Variants in SNX29 observed in about 807,000 individuals in gnomAD.
The protein encoded by SNX29 is sorting nexin 29, also known as sorting nexin-29.
A neutral mutation model predicts 102.1 loss-of-function variants in SNX29; 78 were observed. The observed-to-expected ratio is 0.76, with a 90% CI of 0.64 to 0.92. The LOEUF (loss-of-function observed/expected upper bound fraction) is 0.92. Ranked by LOEUF, SNX29 falls within the 40% of genes least tolerant of loss-of-function variation. The pLI, the probability that SNX29 is intolerant of heterozygous loss-of-function variation, is 0.00. For missense variants in SNX29, 1,280 were observed against 1,061.7 expected, an observed-to-expected ratio of 1.21 and a Z score of -2.86; for synonymous variants, 580 against 414.5, an observed-to-expected ratio of 1.40 and a Z score of -4.85.
chr16:12,536,978 TTAAAAAAATAAAA>T (rs1383132184), intron 20 of SNX29, among the ~76,000 whole-genome samples: 2 of 148,578 alleles, frequency 1.3e-5, no homozygotes, highest in Non-Finnish European at 3.0e-5. Flanking sequence ...AGAACCCGTC[TTAAAAAAATAAAA>T]TAAAAAGAGT....
At chr16:12,550,654 G>A (rs546191800) in intron 20 of SNX29, among the ~76,000 whole-genome samples, 1 of 152,128 alleles carries the variant, frequency 6.6e-6, no homozygotes, top group Non-Finnish European at 1.5e-5. Context: ...CCGTCACTTA[G>A]TGGAGGACCA....
intron 16 of SNX29, chr16:12,373,004 A>G (rs1215309746): frequency 6.6e-6 from 1 of 152,222 alleles, no homozygotes; most frequent in Non-Finnish European, 1.5e-5. Flanking sequence ...CATTTTAGAG[A>G]TGACAAGACT....
At chr16:12,228,679 A>G (rs1013544092) in intron 14 of SNX29, among the ~76,000 whole-genome samples, 3 of 152,216 alleles carry the variant, frequency 2.0e-5, no homozygotes, top group African/African-American at 4.8e-5. Flanking sequence ...CAGCTCCCCA[A>G]CCTATGCTGT....
At chr16:12,489,680 G>T (rs1474379847) in intron 19 of SNX29, among the ~76,000 whole-genome samples, 1 of 152,236 alleles carries the variant, frequency 6.6e-6, no homozygotes, top group African/African-American at 2.4e-5. Context: ...CAGGGAGGAA[G>T]CACTCATTTG....
At chr16:11,981,601 TA>T in intron 1 of SNX29, among the ~76,000 whole-genome samples, 1 of 152,338 alleles carries the variant, frequency 6.6e-6, no homozygotes, top group East Asian at 1.9e-4. Flanking sequence ...TTGTATGTGC[TA>T]TAAATTGGTA....
intron 14 of SNX29, among the ~76,000 whole-genome samples, chr16:12,252,157 T>A (rs2078440510): frequency 6.6e-6 from 1 of 152,176 alleles, no homozygotes; most frequent in Non-Finnish European, 1.5e-5. Flanking sequence ...TTTCCCCAAA[T>A]CCACAAGGGT....
intron 15 of SNX29, among the ~76,000 whole-genome samples, chr16:12,310,475 C>T (rs1256876638): frequency 6.6e-6 from 1 of 150,694 alleles, no homozygotes; most frequent in Non-Finnish European, 1.5e-5. Flanking sequence ...CATTGGCACG[C>T]GTAACAGCAT....
chr16:12,485,127 C>T (rs534297658), intron 19 of SNX29, among the ~76,000 whole-genome samples: 10 of 152,172 alleles, frequency 6.6e-5, no homozygotes, highest in Non-Finnish European at 1.0e-4. Flanking sequence ...CAAGGTGACT[C>T]GGGAGGTTGT....
chr16:12,491,640 T>C (rs1306114070), intron 19 of SNX29, among the ~76,000 whole-genome samples: 6 of 152,150 alleles, frequency 3.9e-5, no homozygotes, highest in African/African-American at 1.4e-4. Flanking sequence ...TAACTCCTCA[T>C]TTAGCATTAG....
intron 18 of SNX29, among the ~76,000 whole-genome samples, chr16:12,470,977 C>T (rs1171924478): frequency 1.3e-5 from 2 of 152,148 alleles, no homozygotes; most frequent in African/African-American, 4.8e-5. Context: ...GGGTGTCATC[C>T]CCAGGGTCAC....
chr16:12,565,705 CT>C (rs143209873), intron 20 of SNX29, among the ~76,000 whole-genome samples: 3,910 of 152,340 alleles, frequency 0.026, 170 homozygotes, highest in African/African-American at 0.089. Context: ...GGGGAAGCAG[CT>C]GGGCCGGGTC....
chr16:12,230,819 C>T (rs1366869816), intron 14 of SNX29, among the ~76,000 whole-genome samples: 2 of 150,286 alleles, frequency 1.3e-5, no homozygotes, highest in African/African-American at 2.5e-5. Flanking sequence ...TGTAATAAGT[C>T]GTATGTATGT....
intron 13 of SNX29, among the ~76,000 whole-genome samples, chr16:12,141,741 T>C (rs536155863): frequency 6.6e-6 from 1 of 152,358 alleles, no homozygotes; most frequent in South Asian, 2.1e-4. Context: ...TAGCACATAA[T>C]GAGCAGTGAG....
intron 15 of SNX29, among the ~76,000 whole-genome samples, chr16:12,291,266 T>A (rs962269614): frequency 3.3e-5 from 5 of 152,168 alleles, no homozygotes; most frequent in African/African-American, 1.2e-4. Flanking sequence ...TCCACATGGC[T>A]GGGGAGACCT....
intron 20 of SNX29, among the ~76,000 whole-genome samples, chr16:12,565,830 C>T (rs747697400): frequency 2.6e-5 from 4 of 152,178 alleles, no homozygotes; most frequent in African/African-American, 7.2e-5. Context: ...TGGTCACCCT[C>T]CACACCTCTG....
At chr16:12,379,992 G>C (rs2083013913) in intron 16 of SNX29, among the ~76,000 whole-genome samples, 4 of 152,110 alleles carry the variant, frequency 2.6e-5, no homozygotes. Context: ...AGAGCAAGTT[G>C]TCCAGGAGGC....
intron 19 of SNX29, among the ~76,000 whole-genome samples, chr16:12,501,707 A>G (rs1261261275): frequency 7.9e-6 from 1 of 127,356 alleles, no homozygotes; most frequent in African/African-American, 3.1e-5. Flanking sequence ...CCTGGGTGGC[A>G]GAGCAAGACA....
chr16:12,285,768 T>A (rs990125873), intron 15 of SNX29, among the ~76,000 whole-genome samples: 1 of 152,252 alleles, frequency 6.6e-6, no homozygotes, highest in Non-Finnish European at 1.5e-5. Flanking sequence ...CTGGATTTTT[T>A]ATAAGGACTC....
At chr16:12,566,653 C>T (rs1224976208) in intron 20 of SNX29, among the ~76,000 whole-genome samples, 1 of 152,062 alleles carries the variant, frequency 6.6e-6, no homozygotes, top group East Asian at 1.9e-4. Context: ...ATCTTTGAAC[C>T]ATCCTCTAAG....
Sources: allele counts gnomAD v4.1 joint callset (sites outside exome capture counted in the v4.1 genomes callset), GRCh38; gene constraint gnomAD v4.1.1; transcripts MANE v1.5; gene names NCBI Gene and HGNC (gene_info 2026-07-23, HGNC 2026-07-21).